Variants in NRXN3 observed in about 807,000 individuals in gnomAD.
NRXN3 encodes neurexin 3.
A neutral mutation model predicts 137.6 loss-of-function variants in NRXN3; 32 were observed. The ratio of observed to expected loss-of-function variants is 0.23; its 90% CI spans 0.18 to 0.31. The LOEUF (loss-of-function observed/expected upper bound fraction) is 0.31. Among genes scored for constraint, NRXN3 ranks in the 10% least tolerant of loss-of-function variants. The pLI, the probability that NRXN3 is intolerant of heterozygous loss-of-function variation, is 1.00. For synonymous variants in NRXN3, 798 were observed against 784.5 expected (o/e 1.02, Z -0.29); for missense variants, 1,574 against 2,062.5 (o/e 0.76, Z 4.59).
At chr14:79,778,181 C>A (rs1218728090) in intron 19 of NRXN3, among the ~76,000 whole-genome samples, 1 of 152,182 alleles carries the variant, frequency 6.6e-6, no homozygotes. Flanking sequence ...CTTTGGGAGG[C>A]CGAGGCAGGT....
rs138432519 is a variant in NRXN3, at chr14:79,722,708, G to A, written c.4014+24771G>A. ...TCATTATCCTGCTATTAATTCTACT[G>A]TGTTCTAAGTGTCTTTTCACTCTGC... On this transcript the variant is annotated intron_variant, in intron 19 of 20. Coordinates refer to ENST00000335750, the MANE Select transcript of NRXN3 (RefSeq NM_001330195.2). Among the ~76,000 whole-genome samples, 7 of 152,120 alleles carry A rather than the reference G, an allele frequency of 4.6e-5. No homozygotes were observed. The South Asian group carries it at 1.2e-3, about 27-fold the overall frequency.
intron 19 of NRXN3, among the ~76,000 whole-genome samples, chr14:79,788,235 C>T (rs968767175): frequency 5.9e-5 from 9 of 152,180 alleles, no homozygotes; most frequent in African/African-American, 2.2e-4. Flanking sequence ...CCCCATGATT[C>T]AATTACTTCC....
intron 15 of NRXN3, chr14:79,201,314 C>A (rs1018576741): frequency 6.6e-6 from 1 of 151,984 alleles, no homozygotes; most frequent in African/African-American, 2.4e-5. Flanking sequence ...ATTGCCAATG[C>A]GTGGCACATA....
intron 15 of NRXN3, among the ~76,000 whole-genome samples, chr14:79,136,825 A>G (rs532945054): frequency 4.8e-4 from 73 of 152,314 alleles, no homozygotes; most frequent in Non-Finnish European, 9.4e-4. Context: ...AACACAAACC[A>G]CAACAATGGA....
intron 15 of NRXN3, among the ~76,000 whole-genome samples, chr14:79,323,312 C>A (rs2370974): frequency 0.34 from 51,932 of 151,996 alleles, 9,238 homozygotes; most frequent in South Asian, 0.46. Context: ...AAAGTGCTGG[C>A]ATTACAGGCA....
chr14:79,151,501 C>T (rs113187575), intron 15 of NRXN3, among the ~76,000 whole-genome samples: 29 of 152,152 alleles, frequency 1.9e-4, no homozygotes, highest in Middle Eastern at 3.4e-3. Context: ...ATTGATGCCA[C>T]GAATCAACTG....
rs190654980 is a variant in NRXN3, at chr14:78,939,140, C to T, written c.2276-18102C>T. Among the ~76,000 whole-genome samples, 72 of 152,102 alleles carry T rather than the reference C, an allele frequency of 4.7e-4. No homozygotes were observed. The East Asian group carries it at 0.012, about 25-fold the overall frequency. ...GATTACAGGCGTGAGCCACCGCGCC[C>T]GGCCCAGAGTGATTTTTCTAAGGCA... On this transcript the variant is annotated intron_variant, in intron 10 of 20. Transcript: ENST00000335750.
At chr14:79,827,370 A>C (rs1180330291) in intron 20 of NRXN3, among the ~76,000 whole-genome samples, 1 of 152,200 alleles carries the variant, frequency 6.6e-6, no homozygotes, top group Non-Finnish European at 1.5e-5. Flanking sequence ...AGCTTGCAAA[A>C]AATTCTGAAC....
chr14:79,414,853 C>T (rs1187080647), intron 15 of NRXN3, among the ~76,000 whole-genome samples: 1 of 152,062 alleles, frequency 6.6e-6, no homozygotes, highest in Non-Finnish European at 1.5e-5. Context: ...TTGACCCACA[C>T]CTCCCCATTT....
At chr14:79,251,590 A>C (rs2075939126) in intron 15 of NRXN3, among the ~76,000 whole-genome samples, 2 of 152,132 alleles carry the variant, frequency 1.3e-5, no homozygotes, top group Non-Finnish European at 2.9e-5. Flanking sequence ...ATGACATCAC[A>C]GATATAGATC....
intron 15 of NRXN3, among the ~76,000 whole-genome samples, chr14:79,083,568 G>A (rs748376191): frequency 6.6e-6 from 1 of 152,188 alleles, no homozygotes. Context: ...GTGTGCAAGT[G>A]GGGGACCCAG....
intron 16 of NRXN3, among the ~76,000 whole-genome samples, chr14:79,494,858 G>A (rs915566229): frequency 6.6e-6 from 1 of 152,100 alleles, no homozygotes; most frequent in Non-Finnish European, 1.5e-5. Context: ...ACTGTCCTTT[G>A]TATGTGTCAG....
At chr14:78,920,526 G>A (rs2152820668) in intron 10 of NRXN3, among the ~76,000 whole-genome samples, 1 of 152,030 alleles carries the variant, frequency 6.6e-6, no homozygotes, top group Non-Finnish European at 1.5e-5. Flanking sequence ...ACACCAACTG[G>A]GTGCCCAACA....
intron 17 of NRXN3, among the ~76,000 whole-genome samples, chr14:79,691,207 G>T (rs189127609): frequency 1.7e-3 from 263 of 152,096 alleles, no homozygotes; most frequent in Non-Finnish European, 2.9e-3. Flanking sequence ...CGAAGGAAGA[G>T]GGGGGGCATA....
At chr14:79,748,511 A>G (rs559786968) in intron 19 of NRXN3, among the ~76,000 whole-genome samples, 1 of 152,152 alleles carries the variant, frequency 6.6e-6, no homozygotes, top group East Asian at 1.9e-4. Flanking sequence ...ATTTCCCCTA[A>G]TACACAGTAT....
chr14:79,863,145 G>T lies in NRXN3; in HGVS notation c.*1181G>T, dbSNP rs963490639. On this transcript the variant is annotated 3_prime_UTR_variant, in exon 21 of 21. Transcript: ENST00000335750. ...GTACAAAACACATAGTTCTTTCCCC[G>T]CCCCGAATGTGACAATGGTTTTCAT... 2 of 152,358 alleles carry T rather than the reference G, an allele frequency of 1.3e-5. No individual in the cohort carries two copies. Among genetic ancestry groups the T allele is most frequent in the African/African-American group, 4.8e-5 (2 of 41,362 alleles). The allele number at this position is 152,358 out of a possible 1,614,324, so 9.4% of individuals were successfully genotyped here. A position where few individuals can be genotyped will look rare whatever the true frequency, so the allele number is the denominator to read the frequency against.
chr14:78,865,022 A>G (rs1025665014), intron 10 of NRXN3, among the ~76,000 whole-genome samples: 2 of 152,224 alleles, frequency 1.3e-5, no homozygotes, highest in East Asian at 3.8e-4. Flanking sequence ...CTGCTTTCTC[A>G]AATGCCAAGT....
intron 15 of NRXN3, among the ~76,000 whole-genome samples, chr14:79,103,191 T>A (rs966122859): frequency 1.3e-5 from 2 of 152,092 alleles, no homozygotes; most frequent in African/African-American, 4.8e-5. Context: ...TTGGCCCAGG[T>A]GGAGGATTCA....
chr14:79,183,658 T>C (rs1490384908), intron 15 of NRXN3, among the ~76,000 whole-genome samples: 1 of 152,260 alleles, frequency 6.6e-6, no homozygotes, highest in Non-Finnish European at 1.5e-5. Flanking sequence ...ACAACTCTTC[T>C]GTTTCCTTGT....
Sources: gnomAD v4.1 joint callset for allele counts (sites outside exome capture counted in the v4.1 genomes callset) on GRCh38, gnomAD v4.1.1 for gene constraint, MANE v1.5 for transcripts, NCBI Gene and HGNC (gene_info 2026-07-23, HGNC 2026-07-21) for gene names.